The following LIN54 variants were observed in gnomAD, a reference collection of about 807,000 sequenced individuals.
LIN54 encodes the protein lin-54 DREAM MuvB core complex component.
LIN54 carries 9 observed loss-of-function variants against 78.7 expected under a neutral mutation model. That is an observed-to-expected ratio of 0.11 (90% CI 0.07 to 0.20). The LOEUF (loss-of-function observed/expected upper bound fraction) is 0.20. LIN54 is among the 10% of genes least tolerant of loss of function. The probability of loss-of-function intolerance (pLI) is 1.00; values close to 1 mark genes in which losing one functional copy is unlikely to be tolerated. For synonymous variants in LIN54, 269 were observed against 318.4 expected (o/e 0.84, Z 1.65); for missense variants, 573 against 889.9 (o/e 0.64, Z 4.53).
chr4:82,947,235 A>ATAT, intron 4 of LIN54, among the ~76,000 whole-genome samples: 1 of 44,292 alleles, frequency 2.3e-5, no homozygotes, highest in African/African-American at 1.0e-4. Context: ...ATATATATAT[A>ATAT]TTTTTTTTTT....
intron 4 of LIN54, among the ~76,000 whole-genome samples, chr4:82,951,699 C>T (rs1337294333): frequency 2.0e-5 from 3 of 151,992 alleles, no homozygotes; most frequent in African/African-American, 7.3e-5. Context: ...ATCCCTATAC[C>T]TCATTCCTTT....
At chr4:82,995,313 ATTAAT>A (rs1230469618) in intron 1 of LIN54, among the ~76,000 whole-genome samples, 2 of 151,536 alleles carry the variant, frequency 1.3e-5, no homozygotes, top group Non-Finnish European at 2.9e-5. Flanking sequence ...GGGGAAAAAA[ATTAAT>A]TTAATTTAAT....
intron 5 of LIN54, among the ~76,000 whole-genome samples, chr4:82,945,212 A>G (rs922104808): frequency 2.6e-5 from 4 of 152,160 alleles, no homozygotes; most frequent in Non-Finnish European, 4.4e-5. Context: ...TAATTCTTCT[A>G]TTTACTTTCG....
Position 82,978,980 on chromosome 4 carries a change from G to A in LIN54, c.711C>T (p.Thr237=). The A allele has an allele frequency of 1.3e-6, 2 of 1,591,494 alleles. No individual in the cohort carries two copies. The highest frequency in any genetic ancestry group is 1.7e-6 in the Non-Finnish European group (2 of 1,163,860). ...TCAGCTTCGTGATTACTGGACCAGAGGTTGGCGTTCGAGGCTTCTTAGCAA... is the reference window on the plus strand; with the variant it reads ...TCAGCTTCGTGATTACTGGACCAGAAGTTGGCGTTCGAGGCTTCTTAGCAA... The part of the protein sequence containing the change: ...VQIAKKPRTP[T]SGPVITKLIF... Residue 237 remains threonine (T), a synonymous_variant, in exon 3 of 13, where the codon ACC becomes ACT. Coordinates refer to ENST00000340417, the MANE Select transcript of LIN54 (RefSeq NM_194282.4).
chr4:82,991,321 T>G (rs932459503), intron 1 of LIN54, among the ~76,000 whole-genome samples: 4 of 152,194 alleles, frequency 2.6e-5, no homozygotes, highest in Non-Finnish European at 4.4e-5. Flanking sequence ...AATGGCATTT[T>G]CCATTTTCCA....
intron 1 of LIN54, among the ~76,000 whole-genome samples, chr4:82,986,230 C>T (rs987842190): frequency 2.6e-5 from 4 of 152,100 alleles, no homozygotes; most frequent in Non-Finnish European, 5.9e-5. Context: ...ATTCTCCTGC[C>T]TCAGCCTCCC....
At position 82,947,224 on chromosome 4, in the gene LIN54, TATATATA is replaced by T. The variant is rs1381780420; in HGVS notation, c.952-757_952-751del. ...AAAAAAATTTATATATATATATATATATATATATATATTTTTTTTTTTTTTGAAGACA... is the reference window on the plus strand; with the variant it reads ...AAAAAAATTTATATATATATATATATTATATTTTTTTTTTTTTTGAAGACA... On this transcript the variant is annotated intron_variant, in intron 4 of 12. Transcript: ENST00000340417. Among the ~76,000 whole-genome samples the T allele has an allele frequency of 2.3e-3, 50 of 21,402 alleles. 3 individuals carry two copies. The highest frequency in any genetic ancestry group is 6.5e-3 in the African/African-American group (45 of 6,902). The allele number at this position is 21,402 out of a possible 152,430, so 14.0% of individuals were successfully genotyped here. A position where few individuals can be genotyped will look rare whatever the true frequency, so the allele number is the denominator to read the frequency against.
At chr4:83,002,742 T>A (rs1050678764) in intron 1 of LIN54, among the ~76,000 whole-genome samples, 1 of 152,178 alleles carries the variant, frequency 6.6e-6, no homozygotes, top group African/African-American at 2.4e-5. Context: ...TAATAACATT[T>A]TTTCTCTAGC....
chr4:82,980,371 T>A (rs1282016922), intron 2 of LIN54, among the ~76,000 whole-genome samples: 5 of 152,136 alleles, frequency 3.3e-5, no homozygotes, highest in South Asian at 4.1e-4. Flanking sequence ...GTGACTCAAA[T>A]GAAAAAATAT....
At position 82,939,578 on chromosome 4, in the gene LIN54, A is replaced by G; in HGVS notation, c.1401T>C (p.Asn467=). 6.2e-7 allele frequency: 1 copy of G among 1,614,074 alleles called. No homozygotes were observed. The highest frequency in any genetic ancestry group is 8.5e-7 in the Non-Finnish European group (1 of 1,179,960). Residue 467 remains asparagine (N), a synonymous_variant, in exon 7 of 13, where the codon AAT becomes AAC. Transcript: ENST00000340417. ...TVLAPAPGTG[N]VGYAVLPAQY... ...GAGCTGGAAGCACTGCATAACCCAC[A>G]TTCCCTGTTCCCGGAGCTGGTGCCA...
At chr4:82,942,193 C>T (rs972207209) in intron 5 of LIN54, among the ~76,000 whole-genome samples, 1 of 152,014 alleles carries the variant, frequency 6.6e-6, no homozygotes, top group African/African-American at 2.4e-5. Flanking sequence ...GACAAAAAAG[C>T]TGAGAGTCCT....
chr4:82,999,797 G>GAAAT (rs1560792522), intron 1 of LIN54, among the ~76,000 whole-genome samples: 2 of 137,698 alleles, frequency 1.5e-5, no homozygotes, highest in Non-Finnish European at 3.0e-5. Context: ...AAAAAAAAAG[G>GAAAT]CAAGAAAACA....
chr4:83,003,065 G>A (rs1282803148), intron 1 of LIN54, among the ~76,000 whole-genome samples: 4 of 152,160 alleles, frequency 2.6e-5, no homozygotes, highest in Non-Finnish European at 5.9e-5. Flanking sequence ...CCAGGTTGGA[G>A]TGCAGTGGCG....
At chr4:82,983,654 TA>T (rs1726880504) in intron 2 of LIN54, among the ~76,000 whole-genome samples, 1 of 152,116 alleles carries the variant, frequency 6.6e-6, no homozygotes, top group African/African-American at 2.4e-5. Context: ...GTCTTTTCCA[TA>T]GTACAAACAT....
At chr4:82,989,351 T>A (rs1483163548) in intron 1 of LIN54, among the ~76,000 whole-genome samples, 2 of 152,178 alleles carry the variant, frequency 1.3e-5, no homozygotes, top group East Asian at 3.9e-4. Context: ...GATCAAAGAA[T>A]CCCCTCTGGC....
chr4:82,976,303 G>A (rs1368340280), intron 3 of LIN54, among the ~76,000 whole-genome samples: 1 of 151,108 alleles, frequency 6.6e-6, no homozygotes, highest in East Asian at 1.9e-4. Flanking sequence ...TAGAAAAATC[G>A]CTTATACACA....
At chr4:82,992,746 C>T (rs894737863) in intron 1 of LIN54, among the ~76,000 whole-genome samples, 9 of 151,894 alleles carry the variant, frequency 5.9e-5, no homozygotes, top group South Asian at 4.2e-4. Flanking sequence ...GAGGTGTCCC[C>T]GGCCAGGCGT....
chr4:82,993,863 G>A (rs1226903715), intron 1 of LIN54, among the ~76,000 whole-genome samples: 1 of 151,982 alleles, frequency 6.6e-6, no homozygotes, highest in Non-Finnish European at 1.5e-5. Flanking sequence ...TGATCCACCT[G>A]CCTCAGCATC....
At chr4:82,976,372 C>T (rs1168403990) in intron 3 of LIN54, among the ~76,000 whole-genome samples, 2 of 130,778 alleles carry the variant, frequency 1.5e-5, no homozygotes, top group African/African-American at 3.2e-5. Flanking sequence ...ATGAGAAGCC[C>T]AAAAATCATC....
Sources: gnomAD v4.1 joint callset for allele counts (sites outside exome capture counted in the v4.1 genomes callset) on GRCh38, gnomAD v4.1.1 for gene constraint, MANE v1.5 for transcripts, NCBI Gene and HGNC (gene_info 2026-07-23, HGNC 2026-07-21) for gene names.